FAM91A1: variants seen among roughly 807,000 people sequenced by gnomAD.
FAM91A1 encodes protein FAM91A1.
A neutral mutation model predicts 113.5 loss-of-function variants in FAM91A1; 41 were observed. The observed-to-expected ratio is 0.36, with a 90% confidence interval of 0.28 to 0.47. FAM91A1 has a LOEUF of 0.47. Ranked by LOEUF, FAM91A1 falls within the 20% of genes least tolerant of loss-of-function variation. The pLI, the probability that FAM91A1 is intolerant of heterozygous loss-of-function variation, is 1.00. For missense variants in FAM91A1, 696 were observed against 1,001.2 expected, an observed-to-expected ratio of 0.70 and a Z score of 4.11; for synonymous variants, 307 against 347.9, an observed-to-expected ratio of 0.88 and a Z score of 1.31.
intron 7 of FAM91A1, among the ~76,000 whole-genome samples, 198 bp downstream of exon 7, chr8:123,780,273 AATG>A (rs1180716509): frequency 3.9e-5 from 6 of 152,206 alleles, no homozygotes; most frequent in Non-Finnish European, 8.8e-5. Flanking sequence ...TATGCAACTG[AATG>A]ATAAGAAAAA....
intron 2 of FAM91A1, 34 bp from the exon 3 acceptor site, chr8:123,775,113 G>A: frequency 6.5e-7 from 1 of 1,536,576 alleles, no homozygotes; most frequent in Non-Finnish European, 8.8e-7. Flanking sequence ...TAAGAAACCT[G>A]AAAAAAACTG....
chr8:123,795,273 C>CTG (rs946366158), intron 15 of FAM91A1, among the ~76,000 whole-genome samples: 7 of 152,034 alleles, frequency 4.6e-5, no homozygotes, highest in Admixed American at 2.0e-4. Context: ...ATGTTTTGAT[C>CTG]TGTGTGTGTG....
intron 19 of FAM91A1, among the ~76,000 whole-genome samples, 195 bp downstream of exon 19, chr8:123,805,534 C>A (rs1377110781): frequency 6.6e-6 from 1 of 151,980 alleles, no homozygotes; most frequent in African/African-American, 2.4e-5. Flanking sequence ...TAGAATAAGA[C>A]CCGTTTAGGA....
At chr8:123,773,154 G>A (rs972009555) in intron 1 of FAM91A1, among the ~76,000 whole-genome samples, 1 of 152,188 alleles carries the variant, frequency 6.6e-6, no homozygotes, top group African/African-American at 2.4e-5. Context: ...AATGGGTCCA[G>A]TTATGGGTCA....
chr8:123,789,140 A>T (rs1179699278), intron 14 of FAM91A1, among the ~76,000 whole-genome samples: 1 of 152,152 alleles, frequency 6.6e-6, no homozygotes, highest in African/African-American at 2.4e-5. Context: ...CACTAAGTAA[A>T]TCTTTGTTGA....
At chr8:123,780,751 A>T (rs1166572022) in intron 8 of FAM91A1, among the ~76,000 whole-genome samples, 1 of 152,176 alleles carries the variant, frequency 6.6e-6, no homozygotes, top group Non-Finnish European at 1.5e-5. Flanking sequence ...AATAATAGAA[A>T]CCCAAGGTAA....
intron 15 of FAM91A1, among the ~76,000 whole-genome samples, chr8:123,797,371 C>G (rs1367840249): frequency 2.0e-5 from 3 of 152,154 alleles, no homozygotes; most frequent in African/African-American, 7.2e-5. Context: ...ATGGAACTTA[C>G]AGTGTGTTTA....
In FAM91A1 at chr8:123,803,549, C is replaced by T. The variant is rs1038306235; in HGVS notation, c.1810-1718C>T. On this transcript the variant is annotated intron_variant, in intron 18 of 23. Transcript: ENST00000334705. ...AACTCCTGGGCTCAAGTGATCTGCC[C>T]GCCTTGACCTCCAAAAGTGCTGGGA... 5.3e-5 allele frequency among the ~76,000 whole-genome samples: 8 copies of T among 152,150 alleles called. No homozygotes were observed. The East Asian group carries it at 9.6e-4, about 18-fold the overall frequency.
At chr8:123,779,127 T>TA (rs1414558818) in intron 6 of FAM91A1, among the ~76,000 whole-genome samples, 1 of 152,242 alleles carries the variant, frequency 6.6e-6, no homozygotes, top group African/African-American at 2.4e-5. Flanking sequence ...AAGTGCTTTT[T>TA]ATATTGTCTT....
At chr8:123,785,915 T>G (rs536424928) in intron 11 of FAM91A1, 174 bp downstream of exon 11, 17 of 489,758 alleles carry the variant, frequency 3.5e-5, no homozygotes, top group Admixed American at 1.4e-4. Context: ...CCTCCCCGTT[T>G]CAAGCGATTT....
intron 5 of FAM91A1, 96 bp downstream of exon 5, chr8:123,778,188 C>A: frequency 3.5e-6 from 3 of 860,014 alleles, no homozygotes; most frequent in East Asian, 2.7e-5. Context: ...TGTCTTTGAC[C>A]AAATAAAATG....
At chr8:123,794,455 A>G (rs757243370) in intron 15 of FAM91A1, among the ~76,000 whole-genome samples, 9 of 152,362 alleles carry the variant, frequency 5.9e-5, no homozygotes, top group Non-Finnish European at 8.8e-5. Flanking sequence ...GAGAAATGTA[A>G]ATAAATGGAA....
Position 123,813,263 on chromosome 8 carries a change from T to G in FAM91A1, c.*559T>G, listed in dbSNP as rs1164307146. The G allele has an allele frequency of 6.6e-6, 1 of 152,656 alleles. No homozygotes were observed. Among genetic ancestry groups the G allele is most frequent in the African/African-American group, 2.4e-5 (1 of 41,454 alleles). 9.5% of individuals were successfully genotyped at this position (152,656 alleles called of 1,614,324 possible). ...TATGTCAGTTGGACATTGTAGAAGG[T>G]ATGTAAATCAGCATAGTTGTGTATA... is the stretch of plus-strand genomic sequence containing the variant. On this transcript the variant is annotated 3_prime_UTR_variant, in exon 24 of 24. Transcript: ENST00000334705.
chr8:123,787,336 C>T lies in FAM91A1; in HGVS notation c.1154C>T (p.Thr385Ile), dbSNP rs1357169834. The T allele has an allele frequency of 6.2e-7, 1 of 1,611,640 alleles. No homozygotes were observed. Among genetic ancestry groups the T allele is most frequent in the Non-Finnish European group, 8.5e-7 (1 of 1,179,634 alleles). ...CGCATCGCATTCCTGTTTGACTCCA[C>T]TCTTACTGCCTTCTTAATGATGGGA... is the stretch of plus-strand genomic sequence containing the variant. ...TKRIAFLFDS[T>I]LTAFLMMGNL... The change falls in exon 13 of 24, where the codon ACT (threonine) becomes ATT (isoleucine). Residue 385 changes from threonine to isoleucine, a missense_variant. Transcript: ENST00000334705.
chr8:123,786,748 G>T, intron 12 of FAM91A1, 138 bp downstream of exon 12: 1 of 700,096 alleles, frequency 1.4e-6, no homozygotes, highest in Non-Finnish European at 2.5e-6. Context: ...CTATATTTTG[G>T]GCACTGTGCT....
chr8:123,804,621 T>C (rs1455698908), intron 18 of FAM91A1, among the ~76,000 whole-genome samples: 1 of 151,322 alleles, frequency 6.6e-6, no homozygotes, highest in African/African-American at 2.4e-5. Context: ...TCATTTCTCC[T>C]ATATCCTTCC....
intron 8 of FAM91A1, among the ~76,000 whole-genome samples, chr8:123,782,967 C>T (rs1376227878): frequency 1.3e-5 from 2 of 152,082 alleles, no homozygotes; most frequent in East Asian, 1.9e-4. Flanking sequence ...CCCTGGAGTT[C>T]GAGACCAGCC....
In FAM91A1 at chr8:123,793,695, T is replaced by G. The variant is rs552025475; in HGVS notation, c.1411+3950T>G. On this transcript the variant is annotated intron_variant, in intron 15 of 23. Transcript: ENST00000334705. ...TGCCTCAGTCCTGGAATCAGCCATT[T>G]GTCCTAGGAGCCTAATGTCTTTTAC... Among the ~76,000 whole-genome samples the G allele has an allele frequency of 1.5e-4, 23 of 152,348 alleles. No homozygotes were observed. In the South Asian group the frequency reaches 3.1e-3, roughly 21 times the overall value.
intron 8 of FAM91A1, among the ~76,000 whole-genome samples, chr8:123,782,161 G>T (rs1056690876): frequency 9.2e-5 from 14 of 152,090 alleles, no homozygotes; most frequent in African/African-American, 3.4e-4. Flanking sequence ...GTCAGAGAAG[G>T]GCCAGATGGA....
Sources: gnomAD v4.1 joint callset for allele counts (sites outside exome capture counted in the v4.1 genomes callset) on GRCh38, gnomAD v4.1.1 for gene constraint, MANE v1.5 for transcripts, NCBI Gene and HGNC (gene_info 2026-07-23, HGNC 2026-07-21) for gene names.